The following DUSP29 variants were observed in gnomAD, a reference collection of about 807,000 sequenced individuals.
DUSP29 encodes atypical dual-specific protein phosphatase.
In DUSP29, 12 loss-of-function variants were observed where a neutral mutation model predicts 13.5. The observed-to-expected ratio is 0.89, with a 90% CI of 0.57 to 1.44. DUSP29 has a LOEUF of 1.44. DUSP29 is among the 40% of genes most tolerant of loss of function. DUSP29 has a pLI of 0.00. For missense variants in DUSP29, 308 were observed against 301.1 expected (o/e 1.02, Z -0.17); for synonymous variants, 134 against 128.7 (o/e 1.04, Z -0.28).
At chr10:75,048,268 C>A (rs1381151779) in intron 2 of DUSP29, among the ~76,000 whole-genome samples, 1 of 151,468 alleles carries the variant, frequency 6.6e-6, no homozygotes, top group Admixed American at 6.6e-5. Context: ...GTCTTGTTTT[C>A]ACTGATTCAT....
chr10:75,064,602 T>C (rs1847158486), intron 1 of DUSP29, among the ~76,000 whole-genome samples: 1 of 152,192 alleles, frequency 6.6e-6, no homozygotes. Context: ...CAAGCGTTCC[T>C]CCTGCCTCAG....
At position 75,043,984 on chromosome 10, in the gene DUSP29, C is replaced by T. The variant is rs775719718; in HGVS notation, c.234G>A (p.Lys78=). Residue 78 remains lysine (K), a synonymous_variant, in exon 3 of 4, where the codon AAG becomes AAA. Coordinates refer to ENST00000338487, the MANE Select transcript of DUSP29 (RefSeq NM_001003892.3). ...ATALDRYRLQ[K]AGFTHVLNAA... is the part of the protein sequence containing the mutation. ...CGTTCAGCACGTGCGTGAACCCCGC[C>T]TTCTGCAGCCTATAGCGGTCCAGCG... 6.2e-7 allele frequency: 1 copy of T among 1,612,438 alleles called. No individual in the cohort carries two copies. Among genetic ancestry groups the T allele is most frequent in the Non-Finnish European group, 8.5e-7 (1 of 1,179,924 alleles).
chr10:75,068,110 G>A (rs1004835576), intron 1 of DUSP29, among the ~76,000 whole-genome samples: 6 of 152,152 alleles, frequency 3.9e-5, no homozygotes, highest in Non-Finnish European at 7.3e-5. Flanking sequence ...ACTGCACCTA[G>A]CCTTCTGCAA....
Position 75,058,326 on chromosome 10 carries a change from G to A in DUSP29, c.189C>T (p.Tyr63=), listed in dbSNP as rs748382890. 6.2e-7 allele frequency: 1 copy of A among 1,613,486 alleles called. No individual in the cohort carries two copies. Among genetic ancestry groups the A allele is most frequent in the Non-Finnish European group, 8.5e-7 (1 of 1,179,652 alleles). The change falls in exon 2 of 4, where the codon TAC becomes TAT. Residue 63 remains tyrosine, a synonymous_variant. Transcript: ENST00000338487. ...THVNEVWPKL[Y]IGDEATALDR... ...GCCTGGGCACTTACTCATCGCCAATGTAGAGCTTGGGCCAGACCTCGTTGA... is the reference window on the plus strand; with the variant it reads ...GCCTGGGCACTTACTCATCGCCAATATAGAGCTTGGGCCAGACCTCGTTGA...
chr10:75,053,797 T>G (rs1846896623), intron 2 of DUSP29, among the ~76,000 whole-genome samples: 1 of 152,120 alleles, frequency 6.6e-6, no homozygotes, highest in Non-Finnish European at 1.5e-5. Context: ...TCTTCTTTTT[T>G]TCCCCCGCAG....
chr10:75,058,556 T>G lies in DUSP29; in HGVS notation c.-34-8A>C. The G allele has an allele frequency of 1.2e-6, 2 of 1,608,898 alleles. No homozygotes were observed. Among genetic ancestry groups the G allele is most frequent in the South Asian group, 2.2e-5 (2 of 90,880 alleles). On this transcript the variant is annotated splice_polypyrimidine_tract_variant and splice_region_variant and intron_variant, in intron 1 of 3. Coordinates refer to ENST00000338487, the MANE Select transcript of DUSP29 (RefSeq NM_001003892.3). The stretch of plus-strand genomic sequence containing the variant: ...TTTCTCTCCTTTCTGCAGCTGGTTA[T>G]GAGAGAGAAGCAGGATGGGGGTTAG...
intron 1 of DUSP29, among the ~76,000 whole-genome samples, chr10:75,064,463 G>A (rs565925065): frequency 4.6e-5 from 7 of 152,232 alleles, no homozygotes; most frequent in South Asian, 4.1e-4. Flanking sequence ...AACCGAGATC[G>A]CGCCACTGCA....
rs566702670 is a variant in DUSP29 at position 75,039,494 on chromosome 10, C to T, written c.422-1417G>A. Among the ~76,000 whole-genome samples the T allele has an allele frequency of 1.3e-3, 192 of 152,046 alleles. 2 individuals are homozygous for T. The South Asian group carries it at 0.038, about 30-fold the overall frequency. ...TCGCGCCACTACACTCCAGCCGGGG[C>T]GACAGAGCAAGACTGCATCTCAAGA... On this transcript the variant is annotated intron_variant, in intron 3 of 3. Coordinates refer to ENST00000338487, the MANE Select transcript of DUSP29 (RefSeq NM_001003892.3).
At chr10:75,062,166 C>T (rs983693348) in intron 1 of DUSP29, among the ~76,000 whole-genome samples, 5 of 152,218 alleles carry the variant, frequency 3.3e-5, no homozygotes, top group Non-Finnish European at 7.3e-5. Context: ...GTAGTTATAG[C>T]CCTCCTTGCT....
At chr10:75,052,759 C>A (rs1305757165) in intron 2 of DUSP29, among the ~76,000 whole-genome samples, 1 of 152,200 alleles carries the variant, frequency 6.6e-6, no homozygotes, top group Non-Finnish European at 1.5e-5. Flanking sequence ...GCCAACTATT[C>A]TTCAAGTTGA....
At chr10:75,066,639 A>G (rs528292108) in intron 1 of DUSP29, among the ~76,000 whole-genome samples, 80 of 152,342 alleles carry the variant, frequency 5.3e-4, no homozygotes, top group African/African-American at 1.8e-3. Context: ...ACAAAATTCC[A>G]TGAAAGTTCT....
chr10:75,061,147 G>A (rs1847078684), intron 1 of DUSP29, among the ~76,000 whole-genome samples: 1 of 152,130 alleles, frequency 6.6e-6, no homozygotes, highest in Non-Finnish European at 1.5e-5. Flanking sequence ...GCTTCCCAAA[G>A]TGTTGGGATT....
chr10:75,050,847 T>C (rs12244610), intron 2 of DUSP29, among the ~76,000 whole-genome samples: 3,707 of 152,300 alleles, frequency 0.024, 155 homozygotes, highest in African/African-American at 0.084. Flanking sequence ...TCGACCCCTC[T>C]GCTGAGCCGG....
rs535469525 is a variant in DUSP29 at position 75,057,305 on chromosome 10, A to G, written c.200+1010T>C. On this transcript the variant is annotated intron_variant, in intron 2 of 3. Transcript: ENST00000338487. Reference sequence around the variant, plus strand: ...AAAAAAAAAGAAAAAGAAAAAAAATAAATACAATAATATATGGAGGGGTCC... The same window carrying G: ...AAAAAAAAAGAAAAAGAAAAAAAATGAATACAATAATATATGGAGGGGTCC... Among the ~76,000 whole-genome samples the G allele has an allele frequency of 2.5e-4, 38 of 152,204 alleles. 1 individual carries two copies. The South Asian group carries it at 7.7e-3, about 31-fold the overall frequency.
At chr10:75,068,661 G>C (rs1321627524) in intron 1 of DUSP29, among the ~76,000 whole-genome samples, 1 of 152,172 alleles carries the variant, frequency 6.6e-6, no homozygotes, top group African/African-American at 2.4e-5. Flanking sequence ...TGGAAAGAAG[G>C]GGGAGAGTAA....
chr10:75,061,437 T>C (rs1201356387), intron 1 of DUSP29, among the ~76,000 whole-genome samples: 2 of 152,106 alleles, frequency 1.3e-5, no homozygotes, highest in African/African-American at 4.8e-5. Context: ...CTGTGAAGTC[T>C]CTCAAAGTGT....
chr10:75,057,600 A>G (rs12416069), intron 2 of DUSP29, among the ~76,000 whole-genome samples: 50,873 of 152,050 alleles, frequency 0.33, 9,413 homozygotes, highest in East Asian at 0.73. Context: ...GCTTAGCACA[A>G]TGCCTGGCAT....
rs1479566590 is a variant in DUSP29 at position 75,043,806 on chromosome 10, C to T, written c.412G>A (p.Asp138Asn). The T allele has an allele frequency of 1.2e-6, 2 of 1,612,868 alleles. No homozygotes were observed. Among genetic ancestry groups the T allele is most frequent in the Admixed American group, 3.3e-5 (2 of 60,016 alleles). ...GCCGCGGGTCTCTTACTGTGGTCGT[C>T]GCTTAGCGCTCTGTCGATGAAGGCT... is the stretch of plus-strand genomic sequence containing the variant. ...AAAFIDRALS[D>N]DHSKILVHCV... The change falls in exon 3 of 4, where the codon GAC (aspartate) becomes AAC (asparagine). Residue 138 changes from aspartate to asparagine, a missense_variant. By Grantham distance (23) the Asp-to-Asn change is conservative (BLOSUM62 1). Coordinates refer to ENST00000338487, the MANE Select transcript of DUSP29 (RefSeq NM_001003892.3).
intron 1 of DUSP29, among the ~76,000 whole-genome samples, chr10:75,059,806 T>G (rs1207500066): frequency 6.6e-6 from 1 of 152,164 alleles, no homozygotes; most frequent in Admixed American, 6.5e-5. Context: ...TGGAACAATT[T>G]GAACATGAAA....
Sources: allele counts gnomAD v4.1 joint callset (sites outside exome capture counted in the v4.1 genomes callset), GRCh38; gene constraint gnomAD v4.1.1; transcripts MANE v1.5; gene names NCBI Gene and HGNC (gene_info 2026-07-23, HGNC 2026-07-21).